The following EPG5 variants were observed in gnomAD, a reference collection of about 807,000 sequenced individuals.
The protein encoded by EPG5 is ectopic P-granules 5 autophagy tethering factor, also known as ectopic P granules protein 5 homolog.
In EPG5, 159 loss-of-function variants were observed where a neutral mutation model predicts 302.7. The ratio of observed to expected loss-of-function variants is 0.53; its 90% CI spans 0.46 to 0.60. EPG5 has a LOEUF of 0.60. Among genes scored for constraint, EPG5 ranks in the 20% least tolerant of loss-of-function variants. The pLI, the probability that EPG5 is intolerant of heterozygous loss-of-function variation, is 0.00. For missense variants in EPG5, 2,896 were observed against 3,092.4 expected, an observed-to-expected ratio of 0.94 and a Z score of 1.51; for synonymous variants, 1,158 against 1,136.8, an observed-to-expected ratio of 1.02 and a Z score of -0.37.
chr18:45,882,200 A>T (rs1230139424), intron 31 of EPG5, 74 bp downstream of exon 31: 2 of 1,266,062 alleles, frequency 1.6e-6, no homozygotes, highest in African/African-American at 3.0e-5. Flanking sequence ...TTTGAATAAC[A>T]TCTGTAAGAT....
intron 14 of EPG5, among the ~76,000 whole-genome samples, chr18:45,924,040 A>G (rs2050214366): frequency 6.6e-6 from 1 of 150,746 alleles, no homozygotes; most frequent in Non-Finnish European, 1.5e-5. Flanking sequence ...AAAAAAAAAA[A>G]AAGAGAAAGA....
At chr18:45,934,787 C>T (rs751478183) in intron 11 of EPG5, 22 bp downstream of exon 11, 11 of 1,584,850 alleles carry the variant, frequency 6.9e-6, no homozygotes, top group African/African-American at 2.7e-5. Context: ...AGCTGGACGC[C>T]GACTGCTCGG....
chr18:45,810,713 G>T, the EPG5 span, among the ~76,000 whole-genome samples: 3 of 152,096 alleles, frequency 2.0e-5, no homozygotes, highest in Non-Finnish European at 4.4e-5. Flanking sequence ...CCTGGGAGGC[G>T]GAGGTTGCAG....
chr18:45,947,393 A>G lies in EPG5; in HGVS notation c.1572-625T>C, dbSNP rs146665590. ...GTTCCACTGCACTCCAGCCTAGCGAAAGAGAGAGACTCCCTCTCAAAAAAA... is the reference window on the plus strand; with the variant it reads ...GTTCCACTGCACTCCAGCCTAGCGAGAGAGAGAGACTCCCTCTCAAAAAAA... On this transcript the variant is annotated intron_variant, in intron 6 of 43. Coordinates refer to ENST00000282041, the MANE Select transcript of EPG5 (RefSeq NM_020964.3). Among the ~76,000 whole-genome samples the G allele has an allele frequency of 5.1e-3, 780 of 152,216 alleles. 5 individuals are homozygous for G. The highest frequency in any genetic ancestry group is 0.018 in the African/African-American group (727 of 41,510).
chr18:45,820,471 T>A, the EPG5 span, among the ~76,000 whole-genome samples: 193 of 152,296 alleles, frequency 1.3e-3, 2 homozygotes, highest in Middle Eastern at 0.024. Context: ...TCACCTTACC[T>A]GGCTGGGGGC....
At chr18:45,876,414 G>T in intron 34 of EPG5, 72 bp from the exon 35 acceptor site, 2 of 1,264,854 alleles carry the variant, frequency 1.6e-6, no homozygotes, top group East Asian at 2.3e-5. Flanking sequence ...AGTGTCTAGG[G>T]CTGGCCTAAG....
the EPG5 span, among the ~76,000 whole-genome samples, chr18:45,829,764 A>AGCC: frequency 6.6e-6 from 1 of 152,104 alleles, no homozygotes; most frequent in Non-Finnish European, 1.5e-5. Flanking sequence ...GGCACAAAAG[A>AGCC]TGCCTGAGGG....
intron 16 of EPG5, among the ~76,000 whole-genome samples, chr18:45,921,618 T>G (rs1246409955): frequency 6.6e-6 from 1 of 152,114 alleles, no homozygotes; most frequent in Non-Finnish European, 1.5e-5. Context: ...AATGCTCCAG[T>G]AGAAGACATA....
At chr18:45,915,940 G>A (rs1260560904) in intron 19 of EPG5, 69 bp downstream of exon 19, 2 of 1,373,094 alleles carry the variant, frequency 1.5e-6, no homozygotes, top group Non-Finnish European at 2.0e-6. Flanking sequence ...TGTACTTGGG[G>A]GAATCTTTTT....
chr18:45,895,999 A>T (rs2049462982), intron 27 of EPG5, among the ~76,000 whole-genome samples: 1 of 152,242 alleles, frequency 6.6e-6, no homozygotes, highest in Non-Finnish European at 1.5e-5. Flanking sequence ...ACTTGCATAG[A>T]TAATTCCCCA....
In EPG5 at chr18:45,852,303, A is replaced by ACACACC. The variant is rs558032356; in HGVS notation, c.*163_*164insGGTGTG. ...AAAACACACACACACACACACACACACCCCAAAATTATCTAATATCTAACG... is the reference window on the plus strand; with the variant it reads ...AAAACACACACACACACACACACACACACACCCCCCAAAATTATCTAATATCTAACG... On this transcript the variant is annotated 3_prime_UTR_variant, in exon 44 of 44. Coordinates refer to ENST00000282041, the MANE Select transcript of EPG5 (RefSeq NM_020964.3). 31 of 604,252 alleles carry ACACACC rather than the reference A, an allele frequency of 5.1e-5. No individual in the cohort carries two copies. The highest frequency in any genetic ancestry group is 6.6e-5 in the Non-Finnish European group (23 of 346,550). The allele number at this position is 604,252 out of a possible 1,614,324, so 37.4% of individuals were successfully genotyped here.
chr18:45,888,362 G>A (rs1486554592), intron 28 of EPG5, among the ~76,000 whole-genome samples: 1 of 151,742 alleles, frequency 6.6e-6, no homozygotes, highest in Non-Finnish European at 1.5e-5. Flanking sequence ...GGAGTGCAAT[G>A]GCGCAATCTC....
At chr18:45,956,168 A>G (rs2143807685) in intron 1 of EPG5, among the ~76,000 whole-genome samples, 1 of 152,356 alleles carries the variant, frequency 6.6e-6, no homozygotes, top group East Asian at 1.9e-4. Context: ...CTGACATCAG[A>G]TAACCCAATA....
the EPG5 span, among the ~76,000 whole-genome samples, chr18:45,825,154 G>A: frequency 7.7e-6 from 1 of 129,682 alleles, no homozygotes; most frequent in East Asian, 2.8e-4. Flanking sequence ...AGGGAGGGAA[G>A]GAAGGGAGGG....
chr18:45,837,461 G>A, the EPG5 span: 14 of 1,424,056 alleles, frequency 9.8e-6, no homozygotes, highest in Non-Finnish European at 1.3e-5. Flanking sequence ...CCCCGGGTGC[G>A]GGCGCCTCGA....
At chr18:45,960,715 T>A (rs149601803) in intron 1 of EPG5, among the ~76,000 whole-genome samples, 2 of 152,142 alleles carry the variant, frequency 1.3e-5, no homozygotes, top group African/African-American at 2.4e-5. Flanking sequence ...TTCCAGGAGA[T>A]GGAATTCTGG....
At chr18:45,825,583 G>C in the EPG5 span, 2 of 748,468 alleles carry the variant, frequency 2.7e-6, no homozygotes, top group East Asian at 5.4e-5. Context: ...CAGTTCCTCC[G>C]GCTCCCGCAG....
At position 45,949,468 on chromosome 18, in the gene EPG5, T is replaced by A. The variant is rs1266617084; in HGVS notation, c.1497+16A>T. The A allele has an allele frequency of 6.5e-7, 1 of 1,528,018 alleles. No homozygotes were observed. The highest frequency in any genetic ancestry group is 1.1e-5 in the South Asian group (1 of 87,598). 94.7% of individuals were successfully genotyped at this position (1,528,018 alleles called of 1,614,324 possible). On this transcript the variant is annotated intron_variant, in intron 5 of 43. Coordinates refer to ENST00000282041, the MANE Select transcript of EPG5 (RefSeq NM_020964.3). ...TCTCCCCCAACCCCTCAGAATGAGT[T>A]GATGATTCATCATACCTGGATAAAA...
At chr18:45,930,927 T>C (rs1411764101) in intron 11 of EPG5, 97 bp from the exon 12 acceptor site, 2 of 1,169,498 alleles carry the variant, frequency 1.7e-6, no homozygotes, top group African/African-American at 1.6e-5. Flanking sequence ...TATTTAAAGA[T>C]ACAAAAGGTC....
Sources: gnomAD v4.1 joint callset for allele counts (sites outside exome capture counted in the v4.1 genomes callset) on GRCh38, gnomAD v4.1.1 for gene constraint, MANE v1.5 for transcripts, NCBI Gene and HGNC (gene_info 2026-07-23, HGNC 2026-07-21) for gene names.